Variants in SNX29 observed in about 807,000 individuals in gnomAD.
SNX29 encodes sorting nexin 29, also known as sorting nexin-29.
In SNX29, 78 loss-of-function variants were observed where a neutral mutation model predicts 102.1. That is an observed-to-expected ratio of 0.76 (90% CI 0.64 to 0.92). The LOEUF (loss-of-function observed/expected upper bound fraction) is 0.92, where lower values mean the gene tolerates loss of function less well. SNX29 is among the 40% of genes least tolerant of loss of function. SNX29 has a pLI of 0.00. For missense variants in SNX29, 1,280 were observed against 1,061.7 expected, an observed-to-expected ratio of 1.21 and a Z score of -2.86; for synonymous variants, 580 against 414.5, an observed-to-expected ratio of 1.40 and a Z score of -4.85.
intron 11 of SNX29, among the ~76,000 whole-genome samples, chr16:12,083,809 C>T (rs2052027378): frequency 6.6e-6 from 1 of 152,228 alleles, no homozygotes; most frequent in African/African-American, 2.4e-5. Flanking sequence ...CCCCACAAAG[C>T]AGCGAATGCT....
intron 13 of SNX29, among the ~76,000 whole-genome samples, chr16:12,157,789 G>A (rs1263294068): frequency 1.3e-5 from 2 of 152,138 alleles, no homozygotes; most frequent in African/African-American, 4.8e-5. Flanking sequence ...CTATGAAGTG[G>A]AGACAGTGTG....
chr16:12,536,333 A>G (rs1197325228), intron 20 of SNX29, among the ~76,000 whole-genome samples: 1 of 152,112 alleles, frequency 6.6e-6, no homozygotes, highest in Admixed American at 6.5e-5. Flanking sequence ...CTAATGCAGC[A>G]GGAAACAAGC....
chr16:12,569,251 G>A lies in SNX29; in HGVS notation c.*622G>A, dbSNP rs977552944. Reference sequence around the variant, plus strand: ...CTGTGGCTTTGGCAAGGAGCCATTAGTGATGTGCAACTTGAGTTCAGAGAA... The same window carrying A: ...CTGTGGCTTTGGCAAGGAGCCATTAATGATGTGCAACTTGAGTTCAGAGAA... On this transcript the variant is annotated 3_prime_UTR_variant, in exon 21 of 21. Transcript: ENST00000566228. The A allele has an allele frequency of 3.5e-5, 8 of 225,460 alleles. No homozygotes were observed. The highest frequency in any genetic ancestry group is 7.0e-5 in the Non-Finnish European group (8 of 113,546). 14.0% of individuals were successfully genotyped at this position (225,460 alleles called of 1,614,324 possible).
chr16:12,211,786 T>C (rs927444419), intron 14 of SNX29, among the ~76,000 whole-genome samples: 4 of 152,180 alleles, frequency 2.6e-5, no homozygotes, highest in Admixed American at 2.6e-4. Context: ...TTGTTTTTTC[T>C]TCTTAAAGCC....
chr16:12,520,423 C>A lies in SNX29; in HGVS notation c.2179-4279C>A, dbSNP rs144871418. On this transcript the variant is annotated intron_variant, in intron 19 of 20. Coordinates refer to ENST00000566228, the MANE Select transcript of SNX29 (RefSeq NM_032167.5). ...CTGTCCCTGCTGCCTGATGGAAGGCCCTGCTCAGCCACCTCCTAGTCTTGA... is the reference window on the plus strand; with the variant it reads ...CTGTCCCTGCTGCCTGATGGAAGGCACTGCTCAGCCACCTCCTAGTCTTGA... Among the ~76,000 whole-genome samples, 243 of 152,264 alleles carry A rather than the reference C, an allele frequency of 1.6e-3. 1 individual carries two copies. Among genetic ancestry groups the A allele is most frequent in the Middle Eastern group, 3.4e-3 (1 of 294 alleles).
At chr16:12,345,400 G>A (rs531613480) in intron 15 of SNX29, among the ~76,000 whole-genome samples, 14 of 152,086 alleles carry the variant, frequency 9.2e-5, no homozygotes, top group African/African-American at 1.2e-4. Flanking sequence ...TTCTGTGTGC[G>A]GTTGTGCAGG....
intron 18 of SNX29, among the ~76,000 whole-genome samples, chr16:12,418,866 T>C (rs1161268096): frequency 3.9e-5 from 6 of 152,160 alleles, no homozygotes; most frequent in Admixed American, 3.9e-4. Flanking sequence ...TCTTGCAGTT[T>C]CCTACACAGT....
At chr16:12,403,392 A>G in intron 17 of SNX29, 56 bp from the exon 18 acceptor site, 1 of 1,500,048 alleles carries the variant, frequency 6.7e-7, no homozygotes, top group Admixed American at 2.1e-5. Context: ...TTTATTTTTT[A>G]TTTTTTTGTA....
intron 16 of SNX29, among the ~76,000 whole-genome samples, chr16:12,362,210 C>T (rs868868906): frequency 1.3e-5 from 2 of 152,144 alleles, no homozygotes; most frequent in East Asian, 3.8e-4. Flanking sequence ...GCATAGTTTC[C>T]CGTTTTTGTT....
At position 12,362,703 on chromosome 16, in the gene SNX29, A is replaced by G. The variant is rs1286091407; in HGVS notation, c.1899+6424A>G. On this transcript the variant is annotated intron_variant, in intron 16 of 20. Coordinates refer to ENST00000566228, the MANE Select transcript of SNX29 (RefSeq NM_032167.5). ...AGTGCCAGGGCTGCATATCAGCTCA[A>G]CGCTTCCTCAGGAATCCTCCCTGAA... 2.0e-5 allele frequency among the ~76,000 whole-genome samples: 3 copies of G among 151,678 alleles called. No homozygotes were observed. The East Asian group carries it at 5.9e-4, about 30-fold the overall frequency.
intron 16 of SNX29, among the ~76,000 whole-genome samples, chr16:12,371,955 A>AT (rs771951883): frequency 1.3e-5 from 2 of 152,142 alleles, no homozygotes; most frequent in Non-Finnish European, 2.9e-5. Context: ...TTTAGAAGAC[A>AT]TGGTTTAACA....
In SNX29 at chr16:12,129,741, G is replaced by A; in HGVS notation, c.1578G>A (p.Lys526=). The change falls in exon 13 of 21, where the codon AAG becomes AAA. Residue 526 remains lysine, a synonymous_variant. Coordinates refer to ENST00000566228, the MANE Select transcript of SNX29 (RefSeq NM_032167.5). ...VAEQEERQGM[K]VQALARENEV... is the part of the protein sequence containing the mutation. ...AACAGGAGGAGCGGCAGGGCATGAA[G>A]GTCCAGGCGCTGGCCAGGTAGGAGA... 6.2e-7 allele frequency: 1 copy of A among 1,608,782 alleles called. No individual in the cohort carries two copies. The highest frequency in any genetic ancestry group is 8.5e-7 in the Non-Finnish European group (1 of 1,178,508).
At chr16:12,221,229 G>A (rs575509130) in intron 14 of SNX29, among the ~76,000 whole-genome samples, 4 of 152,106 alleles carry the variant, frequency 2.6e-5, no homozygotes, top group African/African-American at 4.8e-5. Flanking sequence ...GTGGGGAGGG[G>A]AGAGATTGGA....
chr16:12,178,272 C>G (rs963537899), intron 13 of SNX29, among the ~76,000 whole-genome samples: 1 of 152,018 alleles, frequency 6.6e-6, no homozygotes, highest in Admixed American at 6.6e-5. Flanking sequence ...TATGTTCCTT[C>G]CATTTGCTAT....
chr16:12,071,113 G>C (rs1479493662), intron 10 of SNX29, among the ~76,000 whole-genome samples: 2 of 151,710 alleles, frequency 1.3e-5, no homozygotes, highest in East Asian at 1.9e-4. Flanking sequence ...CTCCCATTCT[G>C]TAGGTTGCCT....
chr16:12,131,228 A>T (rs1180445630), intron 13 of SNX29, among the ~76,000 whole-genome samples: 1 of 152,224 alleles, frequency 6.6e-6, no homozygotes, highest in East Asian at 1.9e-4. Context: ...ATTTTTCATT[A>T]CCATTTCTCT....
At chr16:12,103,493 A>G (rs2141214029) in intron 11 of SNX29, among the ~76,000 whole-genome samples, 1 of 152,374 alleles carries the variant, frequency 6.6e-6, no homozygotes. Flanking sequence ...AGCCATATTC[A>G]GAAAACTGAA....
chr16:12,522,291 C>T (rs1247844869), intron 19 of SNX29, among the ~76,000 whole-genome samples: 1 of 152,136 alleles, frequency 6.6e-6, no homozygotes, highest in Non-Finnish European at 1.5e-5. Context: ...TCACTGGGTG[C>T]CGTGTATTCT....
intron 14 of SNX29, among the ~76,000 whole-genome samples, chr16:12,234,101 C>T (rs781070673): frequency 2.6e-5 from 4 of 152,200 alleles, no homozygotes; most frequent in African/African-American, 7.2e-5. Flanking sequence ...TCATTTCTCT[C>T]GGGTATAACC....
Sources: allele counts gnomAD v4.1 joint callset (sites outside exome capture counted in the v4.1 genomes callset), GRCh38; gene constraint gnomAD v4.1.1; transcripts MANE v1.5; gene names NCBI Gene and HGNC (gene_info 2026-07-23, HGNC 2026-07-21).